Variants in MKRN1 observed in about 807,000 individuals in gnomAD.
MKRN1 encodes the protein E3 ubiquitin-protein ligase makorin-1.
In MKRN1, 9 loss-of-function variants were observed where a neutral mutation model predicts 55.5. That is an observed-to-expected ratio of 0.16 (90% CI 0.10 to 0.28). The LOEUF is 0.28. Ranked by LOEUF, MKRN1 falls within the 10% of genes least tolerant of loss-of-function variation. The pLI, the probability that MKRN1 is intolerant of heterozygous loss-of-function variation, is 1.00. For synonymous variants in MKRN1, 253 were observed against 235.9 expected (o/e 1.07, Z -0.66); for missense variants, 488 against 626.7 (o/e 0.78, Z 2.36).
In MKRN1 at chr7:140,465,947, G is replaced by A. The variant is rs189539366; in HGVS notation, c.314+5936C>T. Reference sequence around the variant, plus strand: ...TACAAAAAAATTAGCTGGGCATGGTGGTGCGCGCCTGTAGTCCCAGCTACT... The same window carrying A: ...TACAAAAAAATTAGCTGGGCATGGTAGTGCGCGCCTGTAGTCCCAGCTACT... On this transcript the variant is annotated intron_variant, in intron 2 of 7. Transcript: ENST00000255977. 6.9e-4 allele frequency among the ~76,000 whole-genome samples: 105 copies of A among 152,208 alleles called. 1 individual carries two copies. The highest frequency in any genetic ancestry group is 2.4e-3 in the African/African-American group (99 of 41,530).
intron 2 of MKRN1, 113 bp downstream of exon 2, chr7:140,471,770 G>T: frequency 7.1e-7 from 1 of 1,418,080 alleles, no homozygotes; most frequent in Non-Finnish European, 9.5e-7. Flanking sequence ...GCCCAGCCAA[G>T]AGTCATTTTC....
In MKRN1 at chr7:140,479,169, A is replaced by G; in HGVS notation, c.176T>C (p.Val59Ala). 6.9e-7 allele frequency: 1 copy of G among 1,439,948 alleles called. No homozygotes were observed. Among genetic ancestry groups the G allele is most frequent in the Non-Finnish European group, 9.1e-7 (1 of 1,098,718 alleles). 89.2% of individuals were successfully genotyped at this position (1,439,948 alleles called of 1,614,324 possible). A position where few individuals can be genotyped will look rare whatever the true frequency, so the allele number is the denominator to read the frequency against. The change falls in exon 1 of 8, where the codon GTC (valine) becomes GCC (alanine). Residue 59 changes from valine (V) to alanine (A), a missense_variant. Transcript: ENST00000255977. ...DGSGGGWTKQVTCRYFMHGVC... is the reference protein window; with the variant it reads ...DGSGGGWTKQATCRYFMHGVC... ...CCGCGCAACGTCCTACCTGCAGGTG[A>G]CCTGTTTAGTCCAGCCGCCGCCGCT...
intron 2 of MKRN1, among the ~76,000 whole-genome samples, chr7:140,470,105 T>C (rs1269906964): frequency 2.8e-5 from 4 of 141,604 alleles, no homozygotes; most frequent in African/African-American, 1.0e-4. Context: ...CTTGTAATCC[T>C]AGCTACTCTG....
intron 2 of MKRN1, 146 bp from the exon 3 acceptor site, chr7:140,460,082 C>T (rs761322307): frequency 5.0e-5 from 35 of 703,644 alleles, no homozygotes; most frequent in Admixed American, 4.1e-4. Flanking sequence ...AAACCCGTCA[C>T]TACCAAAAAC....
At chr7:140,473,695 T>A (rs1282953409) in intron 1 of MKRN1, 1 of 152,382 alleles carries the variant, frequency 6.6e-6, no homozygotes, top group African/African-American at 2.4e-5. Flanking sequence ...TATATACTTG[T>A]TAGAAAAAGG....
At chr7:140,466,983 T>C (rs545203482) in intron 2 of MKRN1, among the ~76,000 whole-genome samples, 22 of 90,798 alleles carry the variant, frequency 2.4e-4, no homozygotes, top group Non-Finnish European at 3.4e-4. Context: ...CTTTTTCTTT[T>C]TTTTTTTTTT....
intron 1 of MKRN1, 69 bp downstream of exon 1, chr7:140,479,091 C>T: frequency 8.0e-7 from 1 of 1,253,264 alleles, no homozygotes; most frequent in Non-Finnish European, 1.0e-6. Context: ...CGCCCTCCTC[C>T]CTCCCGCGCC....
intron 1 of MKRN1, among the ~76,000 whole-genome samples, chr7:140,477,863 A>G (rs893293091): frequency 2.0e-5 from 3 of 152,370 alleles, no homozygotes; most frequent in Middle Eastern, 3.4e-3. Flanking sequence ...AATTTGCTCC[A>G]TGAGTAGAAA....
intron 1 of MKRN1, 124 bp from the exon 2 acceptor site, chr7:140,472,135 A>C: frequency 1.5e-6 from 2 of 1,325,842 alleles, no homozygotes; most frequent in Non-Finnish European, 2.1e-6. Context: ...AACACAAAGA[A>C]AGGGCCAGGC....
Position 140,455,354 on chromosome 7 carries a change from C to T in MKRN1, c.1098-121G>A, listed in dbSNP as rs934791131. The T allele has an allele frequency of 3.6e-5, 45 of 1,233,990 alleles. No homozygotes were observed. In the African/African-American group the frequency reaches 5.4e-4, roughly 15 times the overall value. The allele number at this position is 1,233,990 out of a possible 1,614,324, so 76.4% of individuals were successfully genotyped here. A position where few individuals can be genotyped will look rare whatever the true frequency, so the allele number is the denominator to read the frequency against. On this transcript the variant is annotated intron_variant, in intron 6 of 7. Transcript: ENST00000255977. ...CAGTATGTCAGCTTACAGCCCTCCC[C>T]AAGATGTGTTCTTATAAACATGTGT...
intron 1 of MKRN1, 30 bp from the exon 2 acceptor site, chr7:140,472,041 T>C: frequency 1.2e-6 from 2 of 1,613,310 alleles, no homozygotes; most frequent in South Asian, 1.1e-5. Context: ...AAAACTGGAT[T>C]AAAACCAATC....
At chr7:140,474,488 G>A (rs923712528) in intron 1 of MKRN1, 4 of 282,966 alleles carry the variant, frequency 1.4e-5, no homozygotes, top group East Asian at 1.2e-4. Flanking sequence ...CTGAGACTCC[G>A]TCTCAAAAAA....
At chr7:140,457,485 T>G (rs979155678) in intron 4 of MKRN1, among the ~76,000 whole-genome samples, 1 of 152,130 alleles carries the variant, frequency 6.6e-6, no homozygotes, top group Non-Finnish European at 1.5e-5. Context: ...TCCCAGCACT[T>G]TGGAAGGCCA....
chr7:140,469,765 T>C (rs1052879621), intron 2 of MKRN1, among the ~76,000 whole-genome samples: 2 of 151,626 alleles, frequency 1.3e-5, no homozygotes, highest in African/African-American at 4.8e-5. Flanking sequence ...ATACAAAAGT[T>C]AGTGGGGTGT....
rs59392050 is a variant in MKRN1 at position 140,476,471 on chromosome 7, C to CAAAAAAAAAAAAA, written c.185+2676_185+2688dup. 3.0e-3 allele frequency among the ~76,000 whole-genome samples: 221 copies of CAAAAAAAAAAAAA among 72,534 alleles called. 11 individuals are homozygous for CAAAAAAAAAAAAA. The highest frequency in any genetic ancestry group is 0.013 in the African/African-American group (210 of 16,282). The allele number at this position is 72,534 out of a possible 152,430, so 47.6% of individuals were successfully genotyped here. ...TGGGCGACAGAGCGACACTCCATCT[C>CAAAAAAAAAAAAA]AAAAAAAAAAAAAAAAAAGGAAGAT... On this transcript the variant is annotated intron_variant, in intron 1 of 7. Transcript: ENST00000255977.
intron 1 of MKRN1, among the ~76,000 whole-genome samples, chr7:140,474,814 G>A: frequency 6.6e-6 from 1 of 151,558 alleles, no homozygotes; most frequent in East Asian, 2.0e-4. Flanking sequence ...TGCCTCTTGG[G>A]ATCAAGTGAT....
Position 140,471,945 on chromosome 7 carries a change from A to G in MKRN1, c.252T>C (p.Ser84=), listed in dbSNP as rs547299372. 6.2e-7 allele frequency: 1 copy of G among 1,614,166 alleles called. No homozygotes were observed. Among genetic ancestry groups the G allele is most frequent in the South Asian group, 1.1e-5 (1 of 91,086 alleles). Residue 84 remains serine (S), a synonymous_variant, in exon 2 of 8, where the codon AGT becomes AGC. Transcript: ENST00000255977. The part of the protein sequence containing the change: ...NCRYSHDLSD[S]PYSVVCKYFQ... ...AATACTTGCACACTACACTATACGG[A>G]CTGTCAGAGAGGTCATGCGAGTAGC...
chr7:140,476,822 C>CTAATCCCAGCACTTTG (rs1795131982), intron 1 of MKRN1, among the ~76,000 whole-genome samples: 1 of 151,968 alleles, frequency 6.6e-6, no homozygotes, highest in African/African-American at 2.4e-5. Context: ...GCTCACGCCT[C>CTAATCCCAGCACTTTG]TAATCCCAGC....
In MKRN1 at chr7:140,453,481, C is replaced by CA. The variant is rs2130230327; in HGVS notation, c.*1035dup. ...ACAAAAACCCGACAACAAAATGCCT[C>CA]AAGTGAGGACAAAGGTTTCTCAGAA... is the stretch of plus-strand genomic sequence containing the variant. On this transcript the variant is annotated 3_prime_UTR_variant, in exon 8 of 8. Coordinates refer to ENST00000255977, the MANE Select transcript of MKRN1 (RefSeq NM_013446.4). 6.5e-6 allele frequency: 1 copy of CA among 152,698 alleles called. No individual in the cohort carries two copies. The highest frequency in any genetic ancestry group is 2.4e-5 in the African/African-American group (1 of 41,536). 9.5% of individuals were successfully genotyped at this position (152,698 alleles called of 1,614,324 possible).
Sources: gnomAD v4.1 joint callset for allele counts (sites outside exome capture counted in the v4.1 genomes callset) on GRCh38, gnomAD v4.1.1 for gene constraint, MANE v1.5 for transcripts, NCBI Gene and HGNC (gene_info 2026-07-23, HGNC 2026-07-21) for gene names.